NCEH1: variants seen among roughly 807,000 people sequenced by gnomAD.
NCEH1 encodes the protein 2-acetyl MAGE hydrolase.
A neutral mutation model predicts 25.4 loss-of-function variants in NCEH1; 9 were observed. That is an observed-to-expected ratio of 0.35 (90% CI 0.21 to 0.62). The LOEUF (loss-of-function observed/expected upper bound fraction) is 0.62. Among genes scored for constraint, NCEH1 ranks in the 20% least tolerant of loss-of-function variants. The pLI is 0.72. For missense variants in NCEH1, 412 were observed against 501.1 expected, an observed-to-expected ratio of 0.82 and a Z score of 1.70; for synonymous variants, 200 against 199.8, an observed-to-expected ratio of 1.00 and a Z score of -0.01.
rs1312602463 is a variant in NCEH1, at chr3:172,633,276, A to C, written c.*199T>G. 1 of 594,764 alleles carries C rather than the reference A, an allele frequency of 1.7e-6. No individual in the cohort carries two copies. Among genetic ancestry groups the C allele is most frequent in the East Asian group, 2.9e-5 (1 of 34,100 alleles). The allele number at this position is 594,764 out of a possible 1,614,324, so 36.8% of individuals were successfully genotyped here. A position where few individuals can be genotyped will look rare whatever the true frequency, so the allele number is the denominator to read the frequency against. Reference sequence around the variant, plus strand: ...TTGGCCCACTCTGGGAACCAAATTTACATGTTTTGCACTTAAGTTAGTCAA... The same window carrying C: ...TTGGCCCACTCTGGGAACCAAATTTCCATGTTTTGCACTTAAGTTAGTCAA... On this transcript the variant is annotated 3_prime_UTR_variant, in exon 5 of 5. Coordinates refer to ENST00000475381, the MANE Select transcript of NCEH1 (RefSeq NM_020792.6).
At chr3:172,701,328 C>A (rs1486978155) in intron 1 of NCEH1, among the ~76,000 whole-genome samples, 4 of 152,238 alleles carry the variant, frequency 2.6e-5, no homozygotes, top group South Asian at 4.1e-4. Flanking sequence ...TTGACTCCTT[C>A]CTCTCCGATG....
chr3:172,683,191 C>G (rs1481707789), intron 1 of NCEH1, among the ~76,000 whole-genome samples: 1 of 65,624 alleles, frequency 1.5e-5, no homozygotes, highest in Admixed American at 1.2e-4. Flanking sequence ...ATCACGAGGT[C>G]AGGAGATCGA....
chr3:172,693,738 C>G (rs1439574781), intron 1 of NCEH1, among the ~76,000 whole-genome samples: 1 of 152,044 alleles, frequency 6.6e-6, no homozygotes, highest in Non-Finnish European at 1.5e-5. Context: ...CAGAATTGTG[C>G]AATTTTAATT....
chr3:172,653,878 T>A lies in NCEH1; in HGVS notation c.139-5764A>T, dbSNP rs111915419. On this transcript the variant is annotated intron_variant, in intron 1 of 4. Coordinates refer to ENST00000475381, the MANE Select transcript of NCEH1 (RefSeq NM_020792.6). ...TTCAAGCGATTTTCCTGCCTCAGTCTCCTGAGTAGCTGGGATTACAGGCAC... is the reference window on the plus strand; with the variant it reads ...TTCAAGCGATTTTCCTGCCTCAGTCACCTGAGTAGCTGGGATTACAGGCAC... Among the ~76,000 whole-genome samples, 356 of 151,866 alleles carry A rather than the reference T, an allele frequency of 2.3e-3. 5 individuals carry two copies. The highest frequency in any genetic ancestry group is 7.8e-3 in the African/African-American group (322 of 41,334).
At chr3:172,698,734 C>A (rs1227399894) in intron 1 of NCEH1, among the ~76,000 whole-genome samples, 1 of 152,194 alleles carries the variant, frequency 6.6e-6, no homozygotes, top group African/African-American at 2.4e-5. Flanking sequence ...AAGCATAAAT[C>A]TATTAAAACA....
chr3:172,650,836 A>G (rs1208217588), intron 1 of NCEH1, among the ~76,000 whole-genome samples: 2 of 147,478 alleles, frequency 1.4e-5, no homozygotes, highest in South Asian at 2.2e-4. Context: ...AAAAAAAAAA[A>G]GGGACAATTT....
intron 1 of NCEH1, among the ~76,000 whole-genome samples, chr3:172,681,823 C>G (rs950998877): frequency 6.6e-6 from 1 of 151,508 alleles, no homozygotes; most frequent in Admixed American, 6.6e-5. Flanking sequence ...AGGAGAATCG[C>G]TTAAACCCAT....
intron 1 of NCEH1, among the ~76,000 whole-genome samples, chr3:172,666,323 T>C (rs1718207044): frequency 1.3e-5 from 2 of 152,184 alleles, no homozygotes; most frequent in South Asian, 4.1e-4. Flanking sequence ...ATTAAAGGGC[T>C]AAGGTGGGTG....
intron 1 of NCEH1, among the ~76,000 whole-genome samples, chr3:172,705,751 T>C (rs1713944173): frequency 1.3e-5 from 2 of 152,106 alleles, no homozygotes; most frequent in Admixed American, 1.3e-4. Flanking sequence ...AATCCCAACA[T>C]TTTAAGAGGC....
At chr3:172,708,317 A>G (rs1714116457) in intron 1 of NCEH1, among the ~76,000 whole-genome samples, 1 of 152,232 alleles carries the variant, frequency 6.6e-6, no homozygotes, top group Non-Finnish European at 1.5e-5. Context: ...CTCAAACTAA[A>G]ATTATCTGAG....
rs1476576580 is a variant in NCEH1, at chr3:172,711,009, G to A, written c.-25C>T. 3.7e-6 allele frequency: 6 copies of A among 1,613,830 alleles called. No individual in the cohort carries two copies. The highest frequency in any genetic ancestry group is 5.1e-6 in the Non-Finnish European group (6 of 1,179,992). ...TCTTGCCCTGGCTCGGCTCGCCAGC[G>A]GGCTGGCAAAGAGGAAAGGGCGATA... On this transcript the variant is annotated 5_prime_UTR_variant, in exon 1 of 5. Coordinates refer to ENST00000475381, the MANE Select transcript of NCEH1 (RefSeq NM_020792.6).
chr3:172,703,477 G>A (rs1024843227), intron 1 of NCEH1, among the ~76,000 whole-genome samples: 14 of 139,140 alleles, frequency 1.0e-4, no homozygotes, highest in South Asian at 2.2e-4. Flanking sequence ...GCAGTGAGCC[G>A]AGATCGCACC....
At chr3:172,708,005 C>CT (rs1371283928) in intron 1 of NCEH1, among the ~76,000 whole-genome samples, 1 of 152,168 alleles carries the variant, frequency 6.6e-6, no homozygotes, top group Non-Finnish European at 1.5e-5. Context: ...TTAAACAGTT[C>CT]TTAGGTGATT....
chr3:172,706,167 G>C (rs2108230201), intron 1 of NCEH1, among the ~76,000 whole-genome samples: 1 of 151,868 alleles, frequency 6.6e-6, no homozygotes, highest in East Asian at 1.9e-4. Context: ...TACCATGCCT[G>C]GATTAAAAAA....
At chr3:172,660,686 T>G (rs1209142555) in intron 1 of NCEH1, among the ~76,000 whole-genome samples, 2 of 152,262 alleles carry the variant, frequency 1.3e-5, no homozygotes, top group Admixed American at 1.3e-4. Flanking sequence ...TGTGAGATGG[T>G]ATCTCATTGT....
intron 4 of NCEH1, 93 bp downstream of exon 4, chr3:172,635,823 A>G: frequency 1.7e-6 from 2 of 1,196,528 alleles, no homozygotes; most frequent in Non-Finnish European, 2.4e-6. Flanking sequence ...CCACCCAGCT[A>G]TGCATTTGCC....
At chr3:172,636,143 T>A in intron 3 of NCEH1, 56 bp from the exon 4 acceptor site, 1 of 1,273,842 alleles carries the variant, frequency 7.9e-7, no homozygotes, top group Non-Finnish European at 1.1e-6. Context: ...GGGGGACATT[T>A]AAAGTTTAGA....
intron 4 of NCEH1, among the ~76,000 whole-genome samples, chr3:172,634,463 G>A (rs1560176756): frequency 6.6e-6 from 1 of 152,016 alleles, no homozygotes; most frequent in Non-Finnish European, 1.5e-5. Flanking sequence ...TTCCTAGGGG[G>A]AAAAAAATTA....
intron 1 of NCEH1, among the ~76,000 whole-genome samples, chr3:172,695,122 C>A (rs190396979): frequency 6.6e-6 from 1 of 152,148 alleles, no homozygotes; most frequent in South Asian, 2.1e-4. Context: ...AAGTCAAAGT[C>A]ATCTTTTCCA....
Sources: allele counts gnomAD v4.1 joint callset (sites outside exome capture counted in the v4.1 genomes callset), GRCh38; gene constraint gnomAD v4.1.1; transcripts MANE v1.5; gene names NCBI Gene and HGNC (gene_info 2026-07-23, HGNC 2026-07-21).